Variants in FHOD3 observed in about 807,000 individuals in gnomAD.
FHOD3 encodes the protein formin homology 2 domain containing 3, also known as FH1/FH2 domain-containing protein 3.
Under a neutral mutation model 173.0 loss-of-function variants are expected in FHOD3, and 90 were observed. The ratio of observed to expected loss-of-function variants is 0.52; its 90% CI spans 0.44 to 0.62. The LOEUF (loss-of-function observed/expected upper bound fraction) is 0.62, where lower values mean the gene tolerates loss of function less well. FHOD3 is among the 20% of genes least tolerant of loss of function. FHOD3 has a pLI of 0.00. For missense variants in FHOD3, 1,945 were observed against 2,034.7 expected, an observed-to-expected ratio of 0.96 and a Z score of 0.85; for synonymous variants, 828 against 823.0, an observed-to-expected ratio of 1.01 and a Z score of -0.10.
intron 3 of FHOD3, among the ~76,000 whole-genome samples, chr18:36,489,796 A>G (rs748250415): frequency 3.9e-5 from 6 of 152,250 alleles, no homozygotes; most frequent in Non-Finnish European, 8.8e-5. Context: ...GTCCATCACT[A>G]AAGAAAATAC....
At chr18:36,509,670 G>C (rs2055524437) in intron 4 of FHOD3, among the ~76,000 whole-genome samples, 1 of 152,124 alleles carries the variant, frequency 6.6e-6, no homozygotes, top group Non-Finnish European at 1.5e-5. Flanking sequence ...AATAGGGTTG[G>C]TATGTGTTGA....
rs145609926 is a variant in FHOD3, at chr18:36,603,355, C to T, written c.813+587C>T. On this transcript the variant is annotated intron_variant, in intron 8 of 28. Transcript: ENST00000590592. ...CTTTATGCGACACGTGGAGTGGATG[C>T]GTGCAGGTGTGTGTGCTTGTGAAGG... 4.7e-3 allele frequency among the ~76,000 whole-genome samples: 710 copies of T among 152,136 alleles called. 4 individuals carry two copies. Among genetic ancestry groups the T allele is most frequent in the Non-Finnish European group, 7.1e-3 (482 of 68,006 alleles).
chr18:36,331,981 G>A (rs2045039439), intron 1 of FHOD3, among the ~76,000 whole-genome samples: 1 of 152,146 alleles, frequency 6.6e-6, no homozygotes, highest in African/African-American at 2.4e-5. Flanking sequence ...GGGCTGTGAG[G>A]TTGCTGAAAG....
chr18:36,768,865 G>A (rs1387138391), intron 27 of FHOD3, among the ~76,000 whole-genome samples: 1 of 152,206 alleles, frequency 6.6e-6, no homozygotes, highest in Non-Finnish European at 1.5e-5. Flanking sequence ...TACTAGATGT[G>A]CATCACCGGA....
At chr18:36,632,826 G>C (rs571051963) in intron 10 of FHOD3, among the ~76,000 whole-genome samples, 1 of 152,208 alleles carries the variant, frequency 6.6e-6, no homozygotes, top group African/African-American at 2.4e-5. Flanking sequence ...GAAAGAATTT[G>C]TCTGAGGGGC....
At chr18:36,600,610 C>G (rs2031236688) in intron 7 of FHOD3, among the ~76,000 whole-genome samples, 1 of 152,134 alleles carries the variant, frequency 6.6e-6, no homozygotes, top group African/African-American at 2.4e-5. Context: ...CAGCTAAAAA[C>G]ACGTTTTTCA....
Position 36,674,151 on chromosome 18 carries a change from G to T in FHOD3, c.1836-7285G>T, listed in dbSNP as rs78070981. On this transcript the variant is annotated intron_variant, in intron 14 of 28. Transcript: ENST00000590592. ...GTTTAGGGAACTTTCTATTGCTTCT[G>T]TGCTGAAATCTGAACAATGAGCCCT... 4.8e-3 allele frequency among the ~76,000 whole-genome samples: 730 copies of T among 152,302 alleles called. 8 individuals carry two copies. Among genetic ancestry groups the T allele is most frequent in the African/African-American group, 0.017 (693 of 41,560 alleles).
intron 3 of FHOD3, among the ~76,000 whole-genome samples, chr18:36,393,463 T>C (rs1425926055): frequency 2.0e-5 from 3 of 152,178 alleles, no homozygotes; most frequent in African/African-American, 4.8e-5. Context: ...ATGCCCCTAA[T>C]TGTGACAGCA....
chr18:36,608,347 A>G (rs1234165972), intron 8 of FHOD3, among the ~76,000 whole-genome samples: 1 of 152,176 alleles, frequency 6.6e-6, no homozygotes, highest in South Asian at 2.1e-4. Flanking sequence ...GGAAGATAAG[A>G]TGGTTGAACT....
chr18:36,397,682 T>A (rs2048617532), intron 3 of FHOD3, among the ~76,000 whole-genome samples: 1 of 152,196 alleles, frequency 6.6e-6, no homozygotes, highest in African/African-American at 2.4e-5. Context: ...TTACTTAGAA[T>A]TCAGTTTACT....
At chr18:36,355,717 G>A (rs2145767403) in intron 2 of FHOD3, 72 bp downstream of exon 2, 2 of 1,211,108 alleles carry the variant, frequency 1.7e-6, no homozygotes, top group Non-Finnish European at 2.4e-6. Flanking sequence ...AGGCCTTAAA[G>A]TATTTAGGAG....
chr18:36,441,057 T>A (rs928369657), intron 3 of FHOD3, among the ~76,000 whole-genome samples: 10 of 152,204 alleles, frequency 6.6e-5, no homozygotes, highest in Admixed American at 2.0e-4. Flanking sequence ...GTTGTGTGTG[T>A]AAGGTCATTC....
chr18:36,476,261 G>A lies in FHOD3; in HGVS notation c.338-25671G>A, dbSNP rs116674504. On this transcript the variant is annotated intron_variant, in intron 3 of 28. Coordinates refer to ENST00000590592, the MANE Select transcript of FHOD3 (RefSeq NM_001281740.3). ...TCCGCTGGGTGCTGCTGTAAGGAGC[G>A]TCTCACAGGCTGTCAGAGGGCCTGA... is the stretch of plus-strand genomic sequence containing the variant. Among the ~76,000 whole-genome samples, 412 of 152,294 alleles carry A rather than the reference G, an allele frequency of 2.7e-3. 1 individual carries two copies. Among genetic ancestry groups the A allele is most frequent in the African/African-American group, 8.6e-3 (356 of 41,566 alleles).
intron 2 of FHOD3, among the ~76,000 whole-genome samples, chr18:36,363,923 A>G (rs574810039): frequency 6.3e-4 from 96 of 152,096 alleles, no homozygotes; most frequent in African/African-American, 1.9e-3. Flanking sequence ...ATATGAGAAC[A>G]TGCTCTACTT....
chr18:36,747,370 C>T (rs1416298858), intron 24 of FHOD3, among the ~76,000 whole-genome samples: 1 of 152,098 alleles, frequency 6.6e-6, no homozygotes, highest in Non-Finnish European at 1.5e-5. Flanking sequence ...TAATTTGATC[C>T]AAAAATCCTA....
At chr18:36,742,485 C>G (rs1308359587) in intron 21 of FHOD3, among the ~76,000 whole-genome samples, 1 of 152,094 alleles carries the variant, frequency 6.6e-6, no homozygotes, top group Non-Finnish European at 1.5e-5. Context: ...GGAGGGCATT[C>G]CCTAAGGCAG....
intron 5 of FHOD3, among the ~76,000 whole-genome samples, chr18:36,571,146 C>A (rs1269445364): frequency 6.6e-6 from 1 of 152,118 alleles, no homozygotes; most frequent in African/African-American, 2.4e-5. Context: ...AAAAATCAAA[C>A]ACTCCTAGAA....
intron 3 of FHOD3, among the ~76,000 whole-genome samples, chr18:36,401,800 T>G (rs551945850): frequency 6.6e-6 from 1 of 152,330 alleles, no homozygotes; most frequent in South Asian, 2.1e-4. Flanking sequence ...ACACGGTATG[T>G]AGCACAGAGT....
In FHOD3 at chr18:36,550,254, ATATATATATATATGGGTC is replaced by A. The variant is rs910195094; in HGVS notation, c.512-26195_512-26178del. On this transcript the variant is annotated intron_variant, in intron 5 of 28. Transcript: ENST00000590592. Reference sequence around the variant, plus strand: ...GGCCAGTGGTAGACCATATATATATATATATATATATATGGGTCTGTTTCTGAACTTTTCATTCCATAC... The same window carrying A: ...GGCCAGTGGTAGACCATATATATATATGTTTCTGAACTTTTCATTCCATAC... 1.6e-3 allele frequency among the ~76,000 whole-genome samples: 237 copies of A among 147,456 alleles called. 1 individual carries two copies. Among genetic ancestry groups the A allele is most frequent in the African/African-American group, 5.6e-3 (227 of 40,254 alleles).
Sources: allele counts gnomAD v4.1 joint callset (sites outside exome capture counted in the v4.1 genomes callset), GRCh38; gene constraint gnomAD v4.1.1; transcripts MANE v1.5; gene names NCBI Gene and HGNC (gene_info 2026-07-23, HGNC 2026-07-21).